Variants in COL22A1 observed in about 807,000 individuals in gnomAD.
COL22A1 encodes collagen alpha-1(XXII) chain.
A neutral mutation model predicts 248.9 loss-of-function variants in COL22A1; 221 were observed. That is an observed-to-expected ratio of 0.89 (90% CI 0.80 to 0.99). The LOEUF is 0.99. Ranked by LOEUF, COL22A1 falls within the 50% of genes least tolerant of loss-of-function variation. COL22A1 has a pLI of 0.00. For synonymous variants in COL22A1, 891 were observed against 793.4 expected, an observed-to-expected ratio of 1.12 and a Z score of -2.07; for missense variants, 2,240 against 2,179.0, an observed-to-expected ratio of 1.03 and a Z score of -0.56.
intron 30 of COL22A1, among the ~76,000 whole-genome samples, chr8:138,706,343 A>C (rs1828444006): frequency 6.6e-6 from 1 of 152,216 alleles, no homozygotes; most frequent in Non-Finnish European, 1.5e-5. Context: ...CATTCTTCTC[A>C]GCACCACATC....
rs560770826 is a variant in COL22A1, at chr8:138,817,063, C to G, written c.1246-4044G>C. ...GGTGTGAGTTTCCACTGTCTCCTTT[C>G]TATAGATGAGGAAGTGAAGGTGCAG... On this transcript the variant is annotated intron_variant, in intron 7 of 64. Coordinates refer to ENST00000303045, the MANE Select transcript of COL22A1 (RefSeq NM_152888.3). 2.0e-5 allele frequency among the ~76,000 whole-genome samples: 3 copies of G among 152,322 alleles called. No individual in the cohort carries two copies. The South Asian group carries it at 6.2e-4, about 32-fold the overall frequency.
intron 50 of COL22A1, among the ~76,000 whole-genome samples, chr8:138,630,234 G>GT (rs1164434218): frequency 1.3e-5 from 2 of 152,170 alleles, no homozygotes; most frequent in Non-Finnish European, 2.9e-5. Context: ...TCCTGGACTA[G>GT]TGACTTCTTT....
In COL22A1 at chr8:138,627,308, A is replaced by C. The variant is rs575924192; in HGVS notation, c.3664-1065T>G. Among the ~76,000 whole-genome samples the C allele has an allele frequency of 3.3e-5, 5 of 152,356 alleles. No homozygotes were observed. The South Asian group carries it at 1.0e-3, about 32-fold the overall frequency. On this transcript the variant is annotated intron_variant, in intron 50 of 64. Coordinates refer to ENST00000303045, the MANE Select transcript of COL22A1 (RefSeq NM_152888.3). ...ACACCAGTGATCTAGGACTGGAGTCAGCAAACTTCAGCCCACTGCCAGATT... is the reference window on the plus strand; with the variant it reads ...ACACCAGTGATCTAGGACTGGAGTCCGCAAACTTCAGCCCACTGCCAGATT...
intron 21 of COL22A1, among the ~76,000 whole-genome samples, chr8:138,754,696 T>G (rs1832853646): frequency 6.6e-6 from 1 of 152,126 alleles, no homozygotes; most frequent in African/African-American, 2.4e-5. Context: ...CATTAAATTC[T>G]TAGCAGGGGG....
intron 7 of COL22A1, among the ~76,000 whole-genome samples, chr8:138,815,268 C>A (rs1818584223): frequency 6.6e-6 from 1 of 152,212 alleles, no homozygotes; most frequent in African/African-American, 2.4e-5. Flanking sequence ...TCAGACACAG[C>A]AGACTGAAGG....
chr8:138,836,416 A>G (rs963973842), intron 4 of COL22A1, among the ~76,000 whole-genome samples: 1 of 152,232 alleles, frequency 6.6e-6, no homozygotes, highest in Non-Finnish European at 1.5e-5. Flanking sequence ...TGACTCTACT[A>G]TTAGACATTC....
At chr8:138,861,027 T>G (rs1288914410) in intron 3 of COL22A1, among the ~76,000 whole-genome samples, 3 of 152,102 alleles carry the variant, frequency 2.0e-5, no homozygotes, top group Non-Finnish European at 4.4e-5. Flanking sequence ...CTCCCCAGAT[T>G]TGCTCAGCTC....
At chr8:138,717,359 G>A (rs1393786046) in intron 27 of COL22A1, among the ~76,000 whole-genome samples, 1 of 152,130 alleles carries the variant, frequency 6.6e-6, no homozygotes, top group African/African-American at 2.4e-5. Context: ...ATGTTAGCCA[G>A]GATGGTCTTG....
rs765618552 is a variant in COL22A1 at position 138,829,403 on chromosome 8, G to GTTTTTTTTTTTTTTT, written c.846-2637_846-2623dup. On this transcript the variant is annotated intron_variant, in intron 5 of 64. Coordinates refer to ENST00000303045, the MANE Select transcript of COL22A1 (RefSeq NM_152888.3). ...CTTTTCTTTATTTCCTTCCTTTCCT[G>GTTTTTTTTTTTTTTT]TTTTTTTTTTTTTTTTTTTTTGAGA... 8.8e-5 allele frequency among the ~76,000 whole-genome samples: 8 copies of GTTTTTTTTTTTTTTT among 90,656 alleles called. 1 individual carries two copies. Among genetic ancestry groups the GTTTTTTTTTTTTTTT allele is most frequent in the Admixed American group, 3.2e-4 (2 of 6,170 alleles). The allele number at this position is 90,656 out of a possible 152,430, so 59.5% of individuals were successfully genotyped here. A position where few individuals can be genotyped will look rare whatever the true frequency, so the allele number is the denominator to read the frequency against.
At chr8:138,693,250 C>CTGTG (rs140727299) in intron 35 of COL22A1, among the ~76,000 whole-genome samples, 2 of 150,544 alleles carry the variant, frequency 1.3e-5, no homozygotes, top group Non-Finnish European at 3.0e-5. Context: ...GTGTTTGGGG[C>CTGTG]TGTGTGTGTG....
At chr8:138,635,109 C>A (rs370596335) in intron 48 of COL22A1, 46 bp from the exon 49 acceptor site, 7 of 1,458,622 alleles carry the variant, frequency 4.8e-6, no homozygotes, top group Non-Finnish European at 6.6e-6. Flanking sequence ...TTGAAAAATA[C>A]TTTTTACTTT....
chr8:138,719,159 A>G (rs141984034), intron 27 of COL22A1, among the ~76,000 whole-genome samples: 3 of 152,302 alleles, frequency 2.0e-5, no homozygotes, highest in East Asian at 3.9e-4. Context: ...TAGAATTTCA[A>G]TCCAATCAAT....
At chr8:138,905,313 G>A (rs569167589) in intron 1 of COL22A1, among the ~76,000 whole-genome samples, 1 of 152,186 alleles carries the variant, frequency 6.6e-6, no homozygotes, top group South Asian at 2.1e-4. Flanking sequence ...ATTTAAACTT[G>A]GATATCTCCA....
intron 39 of COL22A1, among the ~76,000 whole-genome samples, chr8:138,683,161 G>A (rs1395876351): frequency 6.6e-6 from 1 of 152,106 alleles, no homozygotes; most frequent in Non-Finnish European, 1.5e-5. Flanking sequence ...CTGTTTTCCT[G>A]GCTGAACCGT....
At chr8:138,877,348 T>C (rs1204592495) in intron 3 of COL22A1, among the ~76,000 whole-genome samples, 2 of 152,148 alleles carry the variant, frequency 1.3e-5, no homozygotes, top group African/African-American at 2.4e-5. Flanking sequence ...CAGGCCAGAC[T>C]TTGCATGCAC....
At position 138,624,913 on chromosome 8, in the gene COL22A1, ATG is replaced by A. The variant is rs1820114100; in HGVS notation, c.3718-1130_3718-1129del. 2.0e-5 allele frequency among the ~76,000 whole-genome samples: 3 copies of A among 152,222 alleles called. No homozygotes were observed. The South Asian group carries it at 6.2e-4, about 32-fold the overall frequency. ...TGTCAATATTTGCTGTGTGCTCACT[ATG>A]TGTGGGGACTCAAGGCTAAACAAAA... is the stretch of plus-strand genomic sequence containing the variant. On this transcript the variant is annotated intron_variant, in intron 51 of 64. Transcript: ENST00000303045.
At chr8:138,640,943 T>C (rs1220890531) in intron 47 of COL22A1, among the ~76,000 whole-genome samples, 2 of 152,016 alleles carry the variant, frequency 1.3e-5, no homozygotes, top group African/African-American at 4.8e-5. Context: ...CCCAGGCCTG[T>C]GCCCACAGGC....
At chr8:138,640,008 T>A (rs976967526) in intron 47 of COL22A1, among the ~76,000 whole-genome samples, 30 of 152,356 alleles carry the variant, frequency 2.0e-4, no homozygotes, top group African/African-American at 6.5e-4. Context: ...ATCCTCTCAC[T>A]TGAGGACTAG....
At chr8:138,617,034 C>G in intron 53 of COL22A1, 76 bp from the exon 54 acceptor site, 1 of 1,497,120 alleles carries the variant, frequency 6.7e-7, no homozygotes, top group Non-Finnish European at 9.3e-7. Context: ...TACCTCCCTG[C>G]CGGCTTTGAC....
Sources: allele counts gnomAD v4.1 joint callset (sites outside exome capture counted in the v4.1 genomes callset), GRCh38; gene constraint gnomAD v4.1.1; transcripts MANE v1.5; gene names NCBI Gene and HGNC (gene_info 2026-07-23, HGNC 2026-07-21).